GAL3ST3: variants seen among roughly 807,000 people sequenced by gnomAD.
GAL3ST3 encodes the protein galactose-3-O-sulfotransferase 3, also known as beta-galactose-3-O-sulfotransferase 3.
In GAL3ST3, 21 loss-of-function variants were observed where a neutral mutation model predicts 20.8. The ratio of observed to expected loss-of-function variants is 1.01; its 90% CI spans 0.72 to 1.45. The LOEUF (loss-of-function observed/expected upper bound fraction) is 1.45, where lower values mean the gene tolerates loss of function less well. Among genes scored for constraint, GAL3ST3 ranks in the 40% most tolerant of loss-of-function variants. GAL3ST3 has a pLI of 0.00. For missense variants in GAL3ST3, 739 were observed against 662.7 expected, an observed-to-expected ratio of 1.12 and a Z score of -1.26; for synonymous variants, 355 against 307.2, an observed-to-expected ratio of 1.16 and a Z score of -1.63.
chr11:66,043,341 C>T lies in GAL3ST3; in HGVS notation c.462G>A (p.Pro154=), dbSNP rs776686464. Residue 154 remains proline (P), a synonymous_variant, in exon 3 of 3, where the codon CCG becomes CCA. Coordinates refer to ENST00000312006, the MANE Select transcript of GAL3ST3 (RefSeq NM_033036.3). ...TGAAGAGCGACTCGAACATGGCGGC[C>T]GGCTCGCGCAGGATGGTGACATAGA... The part of the protein sequence containing the change: ...STVYVTILRE[P]AAMFESLFSY... The T allele has an allele frequency of 2.5e-6, 4 of 1,610,268 alleles. No individual in the cohort carries two copies. Among genetic ancestry groups the T allele is most frequent in the South Asian group, 1.1e-5 (1 of 90,806 alleles).
Position 66,042,527 on chromosome 11 carries a change from G to T in GAL3ST3, c.1276C>A (p.Arg426Ser). 6.7e-7 allele frequency: 1 copy of T among 1,499,010 alleles called. No individual in the cohort carries two copies. The highest frequency in any genetic ancestry group is 8.8e-7 in the Non-Finnish European group (1 of 1,131,754). 92.9% of individuals were successfully genotyped at this position (1,499,010 alleles called of 1,614,324 possible). ...GGAGCTCAGGGACCTTGAGGGCCGC[G>T]AGGCAGCACTCGGATGGGCCGAGGC... is the stretch of plus-strand genomic sequence containing the variant. ...PPPRPIRVLP[R>S]GPQGP Residue 426 changes from arginine to serine, a missense_variant, in exon 3 of 3, where the codon CGC becomes AGC. Arg to Ser is a moderately radical substitution (Grantham distance 110). Coordinates refer to ENST00000312006, the MANE Select transcript of GAL3ST3 (RefSeq NM_033036.3).
Position 66,042,356 on chromosome 11 carries a change from G to T in GAL3ST3, c.*151C>A. 1 of 610,348 alleles carries T rather than the reference G, an allele frequency of 1.6e-6. No homozygotes were observed. Among genetic ancestry groups the T allele is most frequent in the South Asian group, 2.4e-5 (1 of 41,746 alleles). 37.8% of individuals were successfully genotyped at this position (610,348 alleles called of 1,614,324 possible). On this transcript the variant is annotated 3_prime_UTR_variant, in exon 3 of 3. Transcript: ENST00000312006. ...GTTCAGCCCACGATCGGGAGCGGGG[G>T]CTCAGATAGGGAGGCGTACCCCAAA...
Position 66,043,107 on chromosome 11 carries a change from C to T in GAL3ST3, c.696G>A (p.Glu232=), listed in dbSNP as rs1435740768. 1.2e-6 allele frequency: 2 copies of T among 1,611,908 alleles called. No homozygotes were observed. Among genetic ancestry groups the T allele is most frequent in the East Asian group, 4.5e-5 (2 of 44,826 alleles). Reference sequence around the variant, plus strand: ...CGATCATGACGAGCGAGAAAACCTCCTCCACCTGGCGGATGAGGCCCGCCA... The same window carrying T: ...CGATCATGACGAGCGAGAAAACCTCTTCCACCTGGCGGATGAGGCCCGCCA... ...AYLAGLIRQV[E]EVFSLVMIAE... is the part of the protein sequence containing the mutation. Residue 232 remains glutamate (E), a synonymous_variant, in exon 3 of 3, where the codon GAG becomes GAA. Transcript: ENST00000312006.
At chr11:66,047,546 C>T (rs1005855430) in intron 1 of GAL3ST3, among the ~76,000 whole-genome samples, 2 of 152,212 alleles carry the variant, frequency 1.3e-5, no homozygotes, top group African/African-American at 4.8e-5. Flanking sequence ...CAGTCTGAGG[C>T]CTGCTTAGGG....
At chr11:66,045,878 G>A (rs1856778252) in intron 1 of GAL3ST3, among the ~76,000 whole-genome samples, 1 of 152,132 alleles carries the variant, frequency 6.6e-6, no homozygotes, top group Non-Finnish European at 1.5e-5. Context: ...AGAACATAGA[G>A]GTCTCAACTC....
intron 1 of GAL3ST3, among the ~76,000 whole-genome samples, chr11:66,047,283 A>C (rs1403593898): frequency 1.3e-5 from 2 of 152,196 alleles, no homozygotes; most frequent in African/African-American, 4.8e-5. Flanking sequence ...TGGTGATTAG[A>C]CAGAAGTGTC....
Position 66,045,435 on chromosome 11 carries a change from G to C in GAL3ST3, c.-20C>G. On this transcript the variant is annotated 5_prime_UTR_variant, in exon 2 of 3. Transcript: ENST00000312006. ...TGGCATGGCGGAGTACCCACCCCTGGACCAGCCAGGGCCTCACTATCCAGG... is the reference window on the plus strand; with the variant it reads ...TGGCATGGCGGAGTACCCACCCCTGCACCAGCCAGGGCCTCACTATCCAGG... 3 of 1,578,238 alleles carry C rather than the reference G, an allele frequency of 1.9e-6. No homozygotes were observed. Among genetic ancestry groups the C allele is most frequent in the Non-Finnish European group, 2.6e-6 (3 of 1,162,256 alleles).
chr11:66,043,095 C>T lies in GAL3ST3; in HGVS notation c.708G>A (p.Ser236=), dbSNP rs778328096. The change falls in exon 3 of 3, where the codon TCG becomes TCA. Residue 236 remains serine, a synonymous_variant. Coordinates refer to ENST00000312006, the MANE Select transcript of GAL3ST3 (RefSeq NM_033036.3). The part of the protein sequence containing the change: ...GLIRQVEEVF[S]LVMIAEYFDE... ...CGAAGTACTCGGCGATCATGACGAGCGAGAAAACCTCCTCCACCTGGCGGA... is the reference window on the plus strand; with the variant it reads ...CGAAGTACTCGGCGATCATGACGAGTGAGAAAACCTCCTCCACCTGGCGGA... The T allele has an allele frequency of 2.5e-6, 4 of 1,611,968 alleles. No homozygotes were observed. Among genetic ancestry groups the T allele is most frequent in the South Asian group, 2.2e-5 (2 of 91,078 alleles).
chr11:66,045,828 G>A (rs1362857294), intron 1 of GAL3ST3, among the ~76,000 whole-genome samples: 2 of 152,274 alleles, frequency 1.3e-5, no homozygotes, highest in South Asian at 2.1e-4. Flanking sequence ...ATTTGTACAT[G>A]TCTCCCCAGT....
chr11:66,046,468 T>G (rs1856784335), intron 1 of GAL3ST3, among the ~76,000 whole-genome samples: 4 of 152,204 alleles, frequency 2.6e-5, no homozygotes, highest in Admixed American at 2.0e-4. Flanking sequence ...CAGGGAAAAG[T>G]GCCTGACCAA....
chr11:66,048,507 GA>G (rs150992602), intron 1 of GAL3ST3, among the ~76,000 whole-genome samples: 2,411 of 152,184 alleles, frequency 0.016, 73 homozygotes, highest in African/African-American at 0.056. Flanking sequence ...TGAGGGATGG[GA>G]CAGCCCAGTG....
Position 66,040,835 on chromosome 11 carries a change from C to T in GAL3ST3, c.*1672G>A, listed in dbSNP as rs1338251955. Among the ~76,000 whole-genome samples, 1 of 152,132 alleles carries T rather than the reference C, an allele frequency of 6.6e-6. No individual in the cohort carries two copies. Among genetic ancestry groups the T allele is most frequent in the Non-Finnish European group, 1.5e-5 (1 of 68,028 alleles). On this transcript the variant is annotated 3_prime_UTR_variant, in exon 3 of 3. Coordinates refer to ENST00000312006, the MANE Select transcript of GAL3ST3 (RefSeq NM_033036.3). ...TGCTTTTGCATGATTCTAATTATTG[C>T]CTTTTTCAGAGCTCTGCTGGTAAAA... is the stretch of plus-strand genomic sequence containing the variant.
Position 66,041,827 on chromosome 11 carries a change from T to C in GAL3ST3, c.*680A>G, listed in dbSNP as rs1856707438. The C allele has an allele frequency of 6.6e-6, 1 of 152,254 alleles. No individual in the cohort carries two copies. The highest frequency in any genetic ancestry group is 2.1e-4 in the South Asian group (1 of 4,840). The allele number at this position is 152,254 out of a possible 1,614,324, so 9.4% of individuals were successfully genotyped here. ...GCGGTTGAGGAGGGTTGTAGGCCTA[T>C]GCCAGGTGGCGGGGGACCTTGAGTC... On this transcript the variant is annotated 3_prime_UTR_variant, in exon 3 of 3. Coordinates refer to ENST00000312006, the MANE Select transcript of GAL3ST3 (RefSeq NM_033036.3).
intron 1 of GAL3ST3, among the ~76,000 whole-genome samples, chr11:66,048,754 C>T (rs1856807680): frequency 6.6e-6 from 1 of 151,658 alleles, no homozygotes; most frequent in African/African-American, 2.4e-5. Context: ...TGCCCACCCG[C>T]ACCATACCTC....
At position 66,043,162 on chromosome 11, in the gene GAL3ST3, T is replaced by G. The variant is rs1856736602; in HGVS notation, c.641A>C (p.Glu214Ala). ...GGCGGCGTCGTCGCGCGGGCTGCGC[T>G]CATTGTCGCCGCCCAGGTCGTAGGC... is the stretch of plus-strand genomic sequence containing the variant. ...TLAYDLGGDN[E>A]RSPRDDAAYL... The change falls in exon 3 of 3, where the codon GAG becomes GCG. Residue 214 changes from glutamate (E) to alanine (A), a missense_variant. Physicochemically the swap from Glu to Ala is moderately radical, Grantham distance 107 (BLOSUM62 -1). Coordinates refer to ENST00000312006, the MANE Select transcript of GAL3ST3 (RefSeq NM_033036.3). 1 of 1,611,750 alleles carries G rather than the reference T, an allele frequency of 6.2e-7. No homozygotes were observed. The highest frequency in any genetic ancestry group is 1.1e-5 in the South Asian group (1 of 91,024).
At chr11:66,046,798 G>A (rs1856787861) in intron 1 of GAL3ST3, among the ~76,000 whole-genome samples, 1 of 152,182 alleles carries the variant, frequency 6.6e-6, no homozygotes, top group Admixed American at 6.6e-5. Context: ...ACGGGGGAGG[G>A]GGAGCCTGGA....
At position 66,042,451 on chromosome 11, in the gene GAL3ST3, T is replaced by C. The variant is rs1590698181; in HGVS notation, c.*56A>G. The C allele has an allele frequency of 3.0e-6, 4 of 1,327,504 alleles. No homozygotes were observed. The highest frequency in any genetic ancestry group is 2.8e-5 in the East Asian group (1 of 36,052). The allele number at this position is 1,327,504 out of a possible 1,614,324, so 82.2% of individuals were successfully genotyped here. On this transcript the variant is annotated 3_prime_UTR_variant, in exon 3 of 3. Transcript: ENST00000312006. ...GGGGGCAGGACATGGAGGCAGCCCC[T>C]GGCTGGACTCCTGGGAGGGCAGGGC...
chr11:66,044,339 A>T (rs547770098), intron 2 of GAL3ST3, among the ~76,000 whole-genome samples: 1 of 152,210 alleles, frequency 6.6e-6, no homozygotes, highest in Non-Finnish European at 1.5e-5. Flanking sequence ...AAGCTTTAAG[A>T]TAATTTGTTT....
rs1383649339 is a variant in GAL3ST3 at position 66,042,434 on chromosome 11, G to A, written c.*73C>T. On this transcript the variant is annotated 3_prime_UTR_variant, in exon 3 of 3. Coordinates refer to ENST00000312006, the MANE Select transcript of GAL3ST3 (RefSeq NM_033036.3). Reference sequence around the variant, plus strand: ...AAAGAAAGGGCTCTCATGGGGGCAGGACATGGAGGCAGCCCCTGGCTGGAC... The same window carrying A: ...AAAGAAAGGGCTCTCATGGGGGCAGAACATGGAGGCAGCCCCTGGCTGGAC... 2.5e-6 allele frequency: 3 copies of A among 1,198,822 alleles called. No individual in the cohort carries two copies. The African/African-American group carries it at 4.8e-5, about 19-fold the overall frequency. The allele number at this position is 1,198,822 out of a possible 1,614,324, so 74.3% of individuals were successfully genotyped here.
Sources: allele counts gnomAD v4.1 joint callset (sites outside exome capture counted in the v4.1 genomes callset), GRCh38; gene constraint gnomAD v4.1.1; transcripts MANE v1.5; gene names NCBI Gene and HGNC (gene_info 2026-07-23, HGNC 2026-07-21).